Variants in COL13A1 observed in about 807,000 individuals in gnomAD.
The protein encoded by COL13A1 is collagen alpha-1(XIII) chain.
A neutral mutation model predicts 130.9 loss-of-function variants in COL13A1; 89 were observed. The observed-to-expected ratio is 0.68, with a 90% CI of 0.57 to 0.81. The LOEUF (loss-of-function observed/expected upper bound fraction) is 0.81, where lower values mean the gene tolerates loss of function less well. COL13A1 is among the 30% of genes least tolerant of loss of function. The pLI is 0.00. For synonymous variants in COL13A1, 402 were observed against 341.6 expected, an observed-to-expected ratio of 1.18 and a Z score of -1.95; for missense variants, 879 against 934.6, an observed-to-expected ratio of 0.94 and a Z score of 0.78.
At chr10:69,817,231 G>T (rs1705087668) in intron 1 of COL13A1, among the ~76,000 whole-genome samples, 1 of 152,026 alleles carries the variant, frequency 6.6e-6, no homozygotes, top group South Asian at 2.1e-4. Flanking sequence ...GATTGATGAG[G>T]CAGGAAGGCA....
intron 2 of COL13A1, among the ~76,000 whole-genome samples, chr10:69,836,157 C>G (rs539588974): frequency 4.5e-4 from 69 of 152,352 alleles, no homozygotes; most frequent in Middle Eastern, 3.4e-3. Context: ...CTGTGCCATG[C>G]CCCATCCTCA....
intron 2 of COL13A1, among the ~76,000 whole-genome samples, chr10:69,836,880 G>C (rs941369103): frequency 6.6e-6 from 1 of 152,148 alleles, no homozygotes; most frequent in Non-Finnish European, 1.5e-5. Flanking sequence ...CCCAGCAGGC[G>C]GTGGGGGTAT....
intron 1 of COL13A1, among the ~76,000 whole-genome samples, chr10:69,805,072 G>C (rs1411138287): frequency 1.3e-5 from 2 of 152,158 alleles, no homozygotes; most frequent in East Asian, 3.9e-4. Flanking sequence ...GAGAACTGGG[G>C]GAAGTCCAGG....
In COL13A1 at chr10:69,801,939, G is replaced by T. The variant is rs1840123236; in HGVS notation, c.-485G>T. On this transcript the variant is annotated 5_prime_UTR_variant, in exon 1 of 41. Coordinates refer to ENST00000645393, the MANE Select transcript of COL13A1 (RefSeq NM_001368882.1). Reference sequence around the variant, plus strand: ...CGTGCCGCCGCAGGGAGTGTGTCAAGTTACAGAGGCGCCGGAATCGGCCCC... The same window carrying T: ...CGTGCCGCCGCAGGGAGTGTGTCAATTTACAGAGGCGCCGGAATCGGCCCC... The T allele has an allele frequency of 6.5e-6, 1 of 154,922 alleles. No homozygotes were observed. Among genetic ancestry groups the T allele is most frequent in the Admixed American group, 6.5e-5 (1 of 15,340 alleles). The allele number at this position is 154,922 out of a possible 1,614,324, so 9.6% of individuals were successfully genotyped here.
intron 2 of COL13A1, among the ~76,000 whole-genome samples, chr10:69,846,166 C>A (rs1029608704): frequency 6.6e-6 from 1 of 152,256 alleles, no homozygotes; most frequent in Non-Finnish European, 1.5e-5. Flanking sequence ...ATGCATGTCT[C>A]TCTTAACCAA....
At chr10:69,923,488 C>T (rs568939444) in intron 23 of COL13A1, among the ~76,000 whole-genome samples, 1 of 152,318 alleles carries the variant, frequency 6.6e-6, no homozygotes, top group African/African-American at 2.4e-5. Flanking sequence ...TCATTCATTC[C>T]GCCCATATCC....
chr10:69,808,020 C>G (rs916649875), intron 1 of COL13A1, among the ~76,000 whole-genome samples: 3 of 152,168 alleles, frequency 2.0e-5, no homozygotes, highest in Non-Finnish European at 4.4e-5. Flanking sequence ...GTGTTCAAGA[C>G]GAAAAGCTAT....
chr10:69,899,640 C>A (rs751929428), intron 14 of COL13A1, among the ~76,000 whole-genome samples: 1 of 152,204 alleles, frequency 6.6e-6, no homozygotes, highest in Non-Finnish European at 1.5e-5. Context: ...TGAGCAAGTG[C>A]TTCCTTCTTC....
chr10:69,930,967 C>T (rs950539409), intron 30 of COL13A1, among the ~76,000 whole-genome samples: 3 of 152,206 alleles, frequency 2.0e-5, no homozygotes, highest in Non-Finnish European at 4.4e-5. Flanking sequence ...ACGGGGCCTT[C>T]GCCCAGTCCA....
At position 69,818,086 on chromosome 10, in the gene COL13A1, A is replaced by C. The variant is rs151165596; in HGVS notation, c.295-4283A>C. Reference sequence around the variant, plus strand: ...CCTTTCCCACCTGCCTTCTCTCCCAAACTCCAGAGCTGCCCATGCCTACCC... The same window carrying C: ...CCTTTCCCACCTGCCTTCTCTCCCACACTCCAGAGCTGCCCATGCCTACCC... On this transcript the variant is annotated intron_variant, in intron 1 of 40. Coordinates refer to ENST00000645393, the MANE Select transcript of COL13A1 (RefSeq NM_001368882.1). Among the ~76,000 whole-genome samples, 728 of 152,090 alleles carry C rather than the reference A, an allele frequency of 4.8e-3. 10 individuals carry two copies. Among genetic ancestry groups the C allele is most frequent in the African/African-American group, 0.017 (699 of 41,478 alleles).
intron 2 of COL13A1, among the ~76,000 whole-genome samples, chr10:69,857,101 GC>G (rs1052342853): frequency 6.6e-6 from 1 of 152,162 alleles, no homozygotes; most frequent in Non-Finnish European, 1.5e-5. Context: ...AACAGTGCCT[GC>G]CCTTGGCCTG....
At chr10:69,935,322 T>G in intron 31 of COL13A1, 28 bp from the exon 32 acceptor site, 5 of 1,568,130 alleles carry the variant, frequency 3.2e-6, no homozygotes, top group Middle Eastern at 1.7e-4. Flanking sequence ...CCACTTCAAA[T>G]GTAACAGGGC....
At chr10:69,898,886 G>T (rs980692702) in intron 14 of COL13A1, 124 bp downstream of exon 14, 8 of 672,200 alleles carry the variant, frequency 1.2e-5, no homozygotes, top group African/African-American at 1.8e-5. Flanking sequence ...ACAAAAATAG[G>T]CCCACGTATA....
At chr10:69,896,321 G>C (rs1265095356) in intron 13 of COL13A1, among the ~76,000 whole-genome samples, 2 of 152,024 alleles carry the variant, frequency 1.3e-5, no homozygotes, top group Non-Finnish European at 2.9e-5. Context: ...CAGCAGGGTC[G>C]ATCTTGGGAC....
intron 2 of COL13A1, among the ~76,000 whole-genome samples, chr10:69,859,717 C>T (rs2133798382): frequency 6.6e-6 from 1 of 152,382 alleles, no homozygotes; most frequent in East Asian, 1.9e-4. Context: ...TTGCCCCTCC[C>T]AGTCCAGTCG....
At chr10:69,894,461 C>T (rs1028561305) in intron 10 of COL13A1, 91 bp from the exon 11 acceptor site, 87 of 1,484,384 alleles carry the variant, frequency 5.9e-5, no homozygotes, top group African/African-American at 6.9e-5. Context: ...GCCCAGCCTT[C>T]GGGATTCAGC....
chr10:69,817,345 C>T (rs894703381), intron 1 of COL13A1, among the ~76,000 whole-genome samples: 2 of 151,146 alleles, frequency 1.3e-5, no homozygotes, highest in South Asian at 2.1e-4. Flanking sequence ...ATGGACGGCA[C>T]GTGTAGTGGT....
intron 1 of COL13A1, 107 bp downstream of exon 1, chr10:69,802,824 A>G: frequency 4.9e-6 from 7 of 1,441,750 alleles, no homozygotes; most frequent in South Asian, 2.6e-5. Context: ...TGCGAGCCCC[A>G]GGTTCGCGCG....
intron 10 of COL13A1, among the ~76,000 whole-genome samples, chr10:69,893,707 G>C (rs2134760315): frequency 6.6e-6 from 1 of 152,362 alleles, no homozygotes; most frequent in Admixed American, 6.5e-5. Flanking sequence ...TTGGCCGTCA[G>C]ACAAACCTGG....
Sources: gnomAD v4.1 joint callset for allele counts (sites outside exome capture counted in the v4.1 genomes callset) on GRCh38, gnomAD v4.1.1 for gene constraint, MANE v1.5 for transcripts, NCBI Gene and HGNC (gene_info 2026-07-23, HGNC 2026-07-21) for gene names.